Variants in SCFD2 observed in about 807,000 individuals in gnomAD.
SCFD2 encodes the protein sec1 family domain containing 2, also known as sec1 family domain-containing protein 2.
Under a neutral mutation model 58.9 loss-of-function variants are expected in SCFD2, and 54 were observed. That is an observed-to-expected ratio of 0.92 (90% CI 0.74 to 1.15). SCFD2 has a LOEUF of 1.15. Ranked by LOEUF, SCFD2 falls within the 50% of genes most tolerant of loss-of-function variation. The pLI is 0.00. For synonymous variants in SCFD2, 321 were observed against 335.9 expected, an observed-to-expected ratio of 0.96 and a Z score of 0.49; for missense variants, 805 against 836.6, an observed-to-expected ratio of 0.96 and a Z score of 0.47.
At chr4:53,239,356 G>A (rs1361268203) in intron 4 of SCFD2, among the ~76,000 whole-genome samples, 1 of 147,388 alleles carries the variant, frequency 6.8e-6, no homozygotes, top group Admixed American at 6.9e-5. Flanking sequence ...GAGGGAGAGG[G>A]AGACCATGGA....
intron 5 of SCFD2, among the ~76,000 whole-genome samples, chr4:52,933,286 T>C (rs945868791): frequency 3.3e-5 from 5 of 152,016 alleles, no homozygotes; most frequent in African/African-American, 1.2e-4. Flanking sequence ...TTCTAGGTGC[T>C]TCTTACCCGG....
chr4:52,964,383 C>G (rs1294377243), intron 5 of SCFD2, among the ~76,000 whole-genome samples: 1 of 152,144 alleles, frequency 6.6e-6, no homozygotes, highest in East Asian at 1.9e-4. Flanking sequence ...GTAGTAACTG[C>G]TAATTGCTTT....
chr4:53,329,858 A>G (rs1190535499), intron 2 of SCFD2, among the ~76,000 whole-genome samples: 1 of 151,994 alleles, frequency 6.6e-6, no homozygotes, highest in South Asian at 2.1e-4. Context: ...AAAAATTTAG[A>G]AGAATGTATA....
intron 5 of SCFD2, among the ~76,000 whole-genome samples, chr4:53,090,787 G>A (rs1724446032): frequency 6.6e-6 from 1 of 152,142 alleles, no homozygotes; most frequent in South Asian, 2.1e-4. Context: ...GAGCACTGAA[G>A]TGTGCCAAGC....
intron 3 of SCFD2, among the ~76,000 whole-genome samples, chr4:53,282,709 G>T (rs1731543340): frequency 6.6e-6 from 1 of 151,870 alleles, no homozygotes; most frequent in East Asian, 1.9e-4. Flanking sequence ...ACTGTACTTA[G>T]CTATACCAGG....
At chr4:53,029,673 T>C (rs1331857519) in intron 5 of SCFD2, among the ~76,000 whole-genome samples, 2 of 152,172 alleles carry the variant, frequency 1.3e-5, no homozygotes, top group African/African-American at 2.4e-5. Context: ...TTTAGAAACA[T>C]ATCCACACAT....
At chr4:53,278,170 C>T (rs1409504465) in intron 3 of SCFD2, among the ~76,000 whole-genome samples, 1 of 151,948 alleles carries the variant, frequency 6.6e-6, no homozygotes, top group Admixed American at 6.6e-5. Flanking sequence ...GGTTGGAGAC[C>T]AGCCTGACCA....
chr4:53,203,576 T>TA (rs1322419416), intron 4 of SCFD2, among the ~76,000 whole-genome samples: 2 of 151,682 alleles, frequency 1.3e-5, no homozygotes, highest in Non-Finnish European at 2.9e-5. Context: ...TGCAAAAAAA[T>TA]AAAATAAACT....
At chr4:52,925,268 T>C (rs559364014) in intron 5 of SCFD2, among the ~76,000 whole-genome samples, 19 of 151,466 alleles carry the variant, frequency 1.3e-4, no homozygotes, top group African/African-American at 4.1e-4. Context: ...TGTATATATA[T>C]ATATATGTAT....
intron 5 of SCFD2, among the ~76,000 whole-genome samples, chr4:53,125,855 T>A (rs942890893): frequency 6.6e-6 from 1 of 152,186 alleles, no homozygotes. Context: ...GAAGTTGTTT[T>A]AGAAAATGTT....
intron 6 of SCFD2, among the ~76,000 whole-genome samples, chr4:52,913,191 C>T (rs1719525456): frequency 6.6e-6 from 1 of 151,612 alleles, no homozygotes; most frequent in South Asian, 2.1e-4. Flanking sequence ...GTTCCTGCTA[C>T]ACCAGGGATC....
At chr4:53,108,058 A>G (rs1416400872) in intron 5 of SCFD2, among the ~76,000 whole-genome samples, 2 of 152,242 alleles carry the variant, frequency 1.3e-5, no homozygotes, top group Non-Finnish European at 2.9e-5. Flanking sequence ...AGAACTCAGG[A>G]TTAAGAAACT....
chr4:53,286,513 C>A (rs1375710166), intron 3 of SCFD2, among the ~76,000 whole-genome samples: 1 of 152,128 alleles, frequency 6.6e-6, no homozygotes, highest in African/African-American at 2.4e-5. Context: ...TACCTCACTC[C>A]CCAAGGACCT....
intron 8 of SCFD2, among the ~76,000 whole-genome samples, chr4:52,875,266 G>A (rs553855052): frequency 1.3e-5 from 2 of 152,240 alleles, no homozygotes; most frequent in South Asian, 4.1e-4. Flanking sequence ...GCTTCCCTCA[G>A]TCTGGATTTT....
chr4:52,924,391 A>C (rs1008216810), intron 5 of SCFD2, among the ~76,000 whole-genome samples: 3 of 152,190 alleles, frequency 2.0e-5, no homozygotes, highest in Admixed American at 2.0e-4. Context: ...TGGTAAATTG[A>C]ACTCAAATGA....
chr4:53,339,054 C>A (rs1407005256), intron 2 of SCFD2, among the ~76,000 whole-genome samples: 1 of 151,982 alleles, frequency 6.6e-6, no homozygotes, highest in South Asian at 2.1e-4. Flanking sequence ...AAAAAGAAAT[C>A]TTTAAATATG....
At chr4:53,295,863 T>C (rs1023223864) in intron 3 of SCFD2, among the ~76,000 whole-genome samples, 6 of 152,232 alleles carry the variant, frequency 3.9e-5, no homozygotes, top group African/African-American at 1.4e-4. Flanking sequence ...TTGAATTTTG[T>C]CAAAGGTGTT....
chr4:53,217,004 TGAGA>T (rs1449328833), intron 4 of SCFD2, among the ~76,000 whole-genome samples: 2 of 152,242 alleles, frequency 1.3e-5, no homozygotes, highest in Non-Finnish European at 2.9e-5. Context: ...CACTGTGGTC[TGAGA>T]GACAGTTTGT....
At chr4:53,352,512 C>T in intron 2 of SCFD2, 86 bp downstream of exon 2, 2 of 1,127,312 alleles carry the variant, frequency 1.8e-6, no homozygotes, top group South Asian at 2.0e-5. Context: ...TTCTTCATTG[C>T]TTTTTTCCTA....
Sources: gnomAD v4.1 joint callset for allele counts (sites outside exome capture counted in the v4.1 genomes callset) on GRCh38, gnomAD v4.1.1 for gene constraint, MANE v1.5 for transcripts, NCBI Gene and HGNC (gene_info 2026-07-23, HGNC 2026-07-21) for gene names.